Variants in GPAM observed in about 807,000 individuals in gnomAD.
GPAM encodes the protein glycerol-3-phosphate acyltransferase, mitochondrial, also known as glycerol-3-phosphate acyltransferase 1, mitochondrial.
Under a neutral mutation model 105.0 loss-of-function variants are expected in GPAM, and 56 were observed. That is an observed-to-expected ratio of 0.53 (90% CI 0.43 to 0.67). GPAM has a LOEUF of 0.67. Ranked by LOEUF, GPAM falls within the 30% of genes least tolerant of loss-of-function variation. The pLI, the probability that GPAM is intolerant of heterozygous loss-of-function variation, is 0.00. For missense variants in GPAM, 855 were observed against 989.8 expected, an observed-to-expected ratio of 0.86 and a Z score of 1.83; for synonymous variants, 368 against 354.4, an observed-to-expected ratio of 1.04 and a Z score of -0.43.
chr10:112,202,424 T>C (rs1847808626), intron 1 of GPAM, among the ~76,000 whole-genome samples: 1 of 152,214 alleles, frequency 6.6e-6, no homozygotes, highest in South Asian at 2.1e-4. Context: ...GTGTACTATG[T>C]TCATGGTAAG....
chr10:112,169,372 G>A (rs551085342), intron 9 of GPAM, among the ~76,000 whole-genome samples: 14 of 152,144 alleles, frequency 9.2e-5, no homozygotes, highest in Non-Finnish European at 1.2e-4. Flanking sequence ...TGTTTATTAC[G>A]AAAGCTCCTT....
chr10:112,158,405 ATT>A lies in GPAM; in HGVS notation c.1903-14_1903-13del. 1 of 1,511,562 alleles carries A rather than the reference ATT, an allele frequency of 6.6e-7. No homozygotes were observed. The highest frequency in any genetic ancestry group is 9.2e-7 in the Non-Finnish European group (1 of 1,086,278). The allele number at this position is 1,511,562 out of a possible 1,614,324, so 93.6% of individuals were successfully genotyped here. On this transcript the variant is annotated splice_polypyrimidine_tract_variant and intron_variant, in intron 17 of 21. Coordinates refer to ENST00000348367, the MANE Select transcript of GPAM (RefSeq NM_001244949.2). ...AATGTCTGGCAAGGCTGAAAAGAAA[ATT>A]CATTTAAATATAAATGCCACCATTT... is the stretch of plus-strand genomic sequence containing the variant.
intron 5 of GPAM, 93 bp downstream of exon 5, chr10:112,177,891 T>C (rs943789840): frequency 2.8e-6 from 2 of 722,010 alleles, no homozygotes; most frequent in Admixed American, 4.1e-5. Context: ...TCACTCTCAG[T>C]AATGCAAAGC....
At chr10:112,164,891 C>T (rs1564676705) in intron 12 of GPAM, among the ~76,000 whole-genome samples, 2 of 152,170 alleles carry the variant, frequency 1.3e-5, no homozygotes, top group South Asian at 2.1e-4. Flanking sequence ...TTTTCTCACA[C>T]ATCATCATAA....
chr10:112,176,580 C>T (rs907864887), intron 5 of GPAM, among the ~76,000 whole-genome samples: 2 of 152,196 alleles, frequency 1.3e-5, no homozygotes, highest in African/African-American at 4.8e-5. Flanking sequence ...CTGCCATTCT[C>T]TTTTTCTTCC....
In GPAM at chr10:112,168,505, C is replaced by T. The variant is rs748375973; in HGVS notation, c.914G>A (p.Arg305Gln). The change falls in exon 11 of 22, where the codon CGA (arginine) becomes CAA (glutamine). Residue 305 changes from arginine to glutamine, a missense_variant. Arg to Gln is a conservative substitution (Grantham distance 43). Coordinates refer to ENST00000348367, the MANE Select transcript of GPAM (RefSeq NM_001244949.2). ...LLHGHIVELL[R>Q]QQQFLEIFLE... ...GAAGATCTCCAAGAATTGCTGCTGT[C>T]GAAGTAATTCAACTATATGCTGGGA... 6.6e-5 allele frequency: 106 copies of T among 1,606,308 alleles called. No individual in the cohort carries two copies. Among genetic ancestry groups the T allele is most frequent in the Non-Finnish European group, 8.4e-5 (98 of 1,173,108 alleles).
rs182732276 is a variant in GPAM at position 112,190,744 on chromosome 10, C to T, written n.211-7853G>A. On this transcript the variant is annotated intron_variant and non_coding_transcript_variant, in intron 1 of 3. Transcript: ENST00000480130. Reference sequence around the variant, plus strand: ...CACTTGGACTGCTAATTGCATTACCCATCACATATATATTGGTTTATGAAA... The same window carrying T: ...CACTTGGACTGCTAATTGCATTACCTATCACATATATATTGGTTTATGAAA... 3.9e-5 allele frequency among the ~76,000 whole-genome samples: 6 copies of T among 152,156 alleles called. No homozygotes were observed. The East Asian group carries it at 7.7e-4, about 20-fold the overall frequency.
intron 1 of GPAM, among the ~76,000 whole-genome samples, chr10:112,201,870 G>A (rs559636465): frequency 6.6e-6 from 1 of 152,226 alleles, no homozygotes. Context: ...ATATTTGTTG[G>A]ATAAAAGAAT....
chr10:112,221,793 C>T, the GPAM span, among the ~76,000 whole-genome samples: 3 of 152,158 alleles, frequency 2.0e-5, no homozygotes, highest in African/African-American at 2.4e-5. Flanking sequence ...ATTTCTCATA[C>T]GTGCTATAAT....
At chr10:112,167,088 T>A (rs1564677545) in intron 11 of GPAM, among the ~76,000 whole-genome samples, 1 of 152,086 alleles carries the variant, frequency 6.6e-6, no homozygotes, top group South Asian at 2.1e-4. Flanking sequence ...GAGTAGGGTA[T>A]ACATCAAGGA....
At chr10:112,181,653 G>A (rs1231993482) in intron 3 of GPAM, 30 bp downstream of exon 3, 3 of 1,173,204 alleles carry the variant, frequency 2.6e-6, no homozygotes, top group South Asian at 1.2e-5. Flanking sequence ...TTTTTAGGCT[G>A]AGTGCTTTTA....
At chr10:112,175,917 T>C (rs1308186858) in intron 5 of GPAM, among the ~76,000 whole-genome samples, 1 of 152,210 alleles carries the variant, frequency 6.6e-6, no homozygotes, top group Non-Finnish European at 1.5e-5. Context: ...AAACTGAAAC[T>C]TGGAATTTGT....
chr10:112,185,571 GACACACACACACACACACACACACACAC>G (rs55812271), upstream of GPAM, among the ~76,000 whole-genome samples: 3 of 143,692 alleles, frequency 2.1e-5, no homozygotes, highest in East Asian at 4.1e-4. Flanking sequence ...CACACACACA[GACACACACACACACACACACACACACAC>G]ACACACACAC....
At position 112,160,241 on chromosome 10, in the gene GPAM, T is replaced by C. The variant is rs1430732772; in HGVS notation, c.1760-188A>G. 1.2e-5 allele frequency: 5 copies of C among 406,126 alleles called. No individual in the cohort carries two copies. The Admixed American group carries it at 3.2e-4, about 26-fold the overall frequency. 25.2% of individuals were successfully genotyped at this position (406,126 alleles called of 1,614,324 possible). On this transcript the variant is annotated intron_variant, in intron 16 of 21. Coordinates refer to ENST00000348367, the MANE Select transcript of GPAM (RefSeq NM_001244949.2). The stretch of plus-strand genomic sequence containing the variant: ...ATGATCCCAACTGCATCAAAAACCT[T>C]CTCCAAAGACATAAGCCCCCTCTTC...
At chr10:112,218,912 G>A (rs1847995806), upstream of GPAM, among the ~76,000 whole-genome samples, 2 of 152,178 alleles carry the variant, frequency 1.3e-5, no homozygotes. Context: ...GGCTGCTTTT[G>A]TAGCCATCTT....
intron 2 of GPAM, 43 bp from the exon 3 acceptor site, chr10:112,181,856 G>A (rs929239921): frequency 8.1e-6 from 7 of 865,296 alleles, no homozygotes; most frequent in East Asian, 7.3e-5. Flanking sequence ...GGAATCGAGA[G>A]AGTAAATACT....
At chr10:112,218,060 G>A (rs968808451), upstream of GPAM, among the ~76,000 whole-genome samples, 1 of 152,228 alleles carries the variant, frequency 6.6e-6, no homozygotes, top group Non-Finnish European at 1.5e-5. Flanking sequence ...AAGGCACAGA[G>A]CTAGCAAGCT....
chr10:112,173,933 C>G (rs1434648812), intron 6 of GPAM, 88 bp from the exon 7 acceptor site: 4 of 1,069,534 alleles, frequency 3.7e-6, no homozygotes, highest in Non-Finnish European at 5.8e-6. Flanking sequence ...CTGTAAATCA[C>G]AAAACAAAAT....
chr10:112,206,833 T>TA (rs57906877), intron 1 of GPAM, among the ~76,000 whole-genome samples: 20,201 of 140,096 alleles, frequency 0.14, 1,805 homozygotes, highest in African/African-American at 0.25. Context: ...AAAAAAAATT[T>TA]AAAAAAAAAA....
Sources: gnomAD v4.1 joint callset for allele counts (sites outside exome capture counted in the v4.1 genomes callset) on GRCh38, gnomAD v4.1.1 for gene constraint, MANE v1.5 for transcripts, NCBI Gene and HGNC (gene_info 2026-07-23, HGNC 2026-07-21) for gene names.